Variants in AOPEP observed in about 807,000 individuals in gnomAD.
AOPEP encodes aminopeptidase O.
In AOPEP, 77 loss-of-function variants were observed where a neutral mutation model predicts 98.1. That is an observed-to-expected ratio of 0.78 (90% confidence interval 0.65 to 0.95). The LOEUF (loss-of-function observed/expected upper bound fraction) is 0.95. Ranked by LOEUF, AOPEP falls within the 40% of genes least tolerant of loss-of-function variation. AOPEP has a pLI of 0.00. For missense variants in AOPEP, 1,024 were observed against 1,024.7 expected (o/e 1.00, Z 0.01); for synonymous variants, 346 against 365.3 (o/e 0.95, Z 0.60).
At chr9:95,131,062 C>T in the AOPEP span, among the ~76,000 whole-genome samples, 15 of 152,140 alleles carry the variant, frequency 9.9e-5, no homozygotes, top group African/African-American at 3.4e-4. Flanking sequence ...ATTATTCTTT[C>T]TTTTTAATCT....
chr9:95,111,783 C>A, the AOPEP span: 3 of 965,458 alleles, frequency 3.1e-6, no homozygotes, highest in Admixed American at 6.0e-5. Context: ...AATTTAGATT[C>A]AGAAAGCCTG....
At chr9:94,810,492 T>G (rs1342311978) in intron 5 of AOPEP, among the ~76,000 whole-genome samples, 1 of 151,922 alleles carries the variant, frequency 6.6e-6, no homozygotes, top group Non-Finnish European at 1.5e-5. Context: ...TTTTTGTATT[T>G]TTAATAGAGA....
Position 95,041,446 on chromosome 9 carries a change from G to GTGTGTGTGTGTGTGT in AOPEP, c.2116-19248_2116-19247insTGTGTGTGTGTGTGT, listed in dbSNP as rs200579150. On this transcript the variant is annotated intron_variant, in intron 13 of 16. Coordinates refer to ENST00000375315, the MANE Select transcript of AOPEP (RefSeq NM_001193329.3). ...ATACTGTGTACTCAGAGTCCTTGGG[G>GTGTGTGTGTGTGTGT]GTGTGTGTGTGTGTGTGTGTGTGTG... Among the ~76,000 whole-genome samples, 844 of 142,082 alleles carry GTGTGTGTGTGTGTGT rather than the reference G, an allele frequency of 5.9e-3. 13 individuals carry two copies. Among genetic ancestry groups the GTGTGTGTGTGTGTGT allele is most frequent in the East Asian group, 0.04 (188 of 4,668 alleles). 93.2% of individuals were successfully genotyped at this position (142,082 alleles called of 152,430 possible).
chr9:94,767,970 C>T (rs1299369257), intron 2 of AOPEP, among the ~76,000 whole-genome samples: 1 of 152,104 alleles, frequency 6.6e-6, no homozygotes, highest in African/African-American at 2.4e-5. Context: ...TTTAGTAGTT[C>T]TGGTTCTTTG....
chr9:94,940,289 T>A (rs976650359), intron 7 of AOPEP, among the ~76,000 whole-genome samples: 2 of 152,306 alleles, frequency 1.3e-5, no homozygotes, highest in East Asian at 3.9e-4. Context: ...CACAGGCAAT[T>A]GCTGTTTTGG....
chr9:94,828,746 T>TAC (rs1194220432), intron 5 of AOPEP, among the ~76,000 whole-genome samples: 2 of 151,650 alleles, frequency 1.3e-5, no homozygotes, highest in Admixed American at 1.3e-4. Flanking sequence ...TATATATATA[T>TAC]ACACACACAC....
At chr9:95,125,231 G>A in the AOPEP span, 33 of 1,511,582 alleles carry the variant, frequency 2.2e-5, 1 homozygote, top group South Asian at 3.7e-4. Context: ...CAAGTAATCC[G>A]GCAAACATGA....
At chr9:95,133,361 C>T in the AOPEP span, among the ~76,000 whole-genome samples, 1 of 152,262 alleles carries the variant, frequency 6.6e-6, no homozygotes, top group African/African-American at 2.4e-5. Flanking sequence ...CCAAATAACA[C>T]CCTCTAGAAT....
chr9:94,845,270 G>A (rs1168976156), intron 5 of AOPEP, among the ~76,000 whole-genome samples: 1 of 152,226 alleles, frequency 6.6e-6, no homozygotes, highest in African/African-American at 2.4e-5. Flanking sequence ...CAGAGCCCCC[G>A]AGGTGGGAAG....
intron 5 of AOPEP, among the ~76,000 whole-genome samples, chr9:94,820,302 G>C (rs555541702): frequency 3.9e-5 from 6 of 152,164 alleles, no homozygotes; most frequent in Admixed American, 3.9e-4. Flanking sequence ...CCATTCCTTA[G>C]GTATAGTACT....
At chr9:94,978,877 C>T (rs1589147514) in intron 10 of AOPEP, among the ~76,000 whole-genome samples, 1 of 151,778 alleles carries the variant, frequency 6.6e-6, no homozygotes, top group Non-Finnish European at 1.5e-5. Flanking sequence ...TGGAAGTGGT[C>T]CTCATTCCTT....
intron 2 of AOPEP, among the ~76,000 whole-genome samples, chr9:94,765,965 G>A (rs1393363549): frequency 6.6e-6 from 1 of 152,154 alleles, no homozygotes; most frequent in Admixed American, 6.5e-5. Flanking sequence ...GATACAATGT[G>A]CTTCTTGGAA....
chr9:94,836,873 G>A (rs1222837042), intron 5 of AOPEP, among the ~76,000 whole-genome samples: 2 of 151,958 alleles, frequency 1.3e-5, no homozygotes, highest in Non-Finnish European at 2.9e-5. Context: ...TAAATATTTT[G>A]TATGGTGCGA....
At chr9:94,880,308 A>G (rs1312761787) in intron 5 of AOPEP, among the ~76,000 whole-genome samples, 1 of 150,402 alleles carries the variant, frequency 6.6e-6, no homozygotes, top group Non-Finnish European at 1.5e-5. Context: ...TTATTTTTTA[A>G]TAATGTAATT....
intron 13 of AOPEP, among the ~76,000 whole-genome samples, chr9:95,023,074 G>A (rs2063582919): frequency 6.6e-6 from 1 of 152,180 alleles, no homozygotes; most frequent in South Asian, 2.1e-4. Context: ...CTAAGTCTCA[G>A]TTTCCTCATC....
chr9:94,867,219 T>A (rs1286000687), intron 5 of AOPEP, among the ~76,000 whole-genome samples: 1 of 152,258 alleles, frequency 6.6e-6, no homozygotes, highest in Non-Finnish European at 1.5e-5. Context: ...TTAGATTTCC[T>A]TCACTTAACA....
the AOPEP span, among the ~76,000 whole-genome samples, chr9:95,102,457 G>A: frequency 1.3e-5 from 2 of 152,224 alleles, no homozygotes; most frequent in Admixed American, 6.5e-5. Context: ...AAGAAAAAAG[G>A]GAAGGGTGAG....
At chr9:94,869,050 G>A (rs1020204197) in intron 5 of AOPEP, among the ~76,000 whole-genome samples, 2 of 152,008 alleles carry the variant, frequency 1.3e-5, no homozygotes, top group South Asian at 4.1e-4. Context: ...CCAGCATGGT[G>A]AAACCCCTTC....
chr9:95,088,997 T>TGAGG (rs1450388694), downstream of AOPEP, among the ~76,000 whole-genome samples: 1 of 151,968 alleles, frequency 6.6e-6, no homozygotes, highest in African/African-American at 2.4e-5. Flanking sequence ...CCCCTGGAGG[T>TGAGG]GAGGGAGGGA....
Sources: allele counts gnomAD v4.1 joint callset (sites outside exome capture counted in the v4.1 genomes callset), GRCh38; gene constraint gnomAD v4.1.1; transcripts MANE v1.5; gene names NCBI Gene and HGNC (gene_info 2026-07-23, HGNC 2026-07-21).